Variants in P2RY12 observed in about 807,000 individuals in gnomAD.
P2RY12 encodes the protein purinergic receptor P2Y12.
Under a neutral mutation model 4.5 loss-of-function variants are expected in P2RY12, and 3 were observed. The ratio of observed to expected loss-of-function variants is 0.67; its 90% confidence interval spans 0.31 to 1.74. The LOEUF is 1.74. P2RY12 is among the 40% of genes most tolerant of loss of function. P2RY12 has a pLI of 0.09. For missense variants in P2RY12, 356 were observed against 407.8 expected (o/e 0.87, Z 1.09); for synonymous variants, 148 against 154.1 (o/e 0.96, Z 0.29).
intron 1 of P2RY12, among the ~76,000 whole-genome samples, chr3:151,351,333 A>G (rs1753211029): frequency 6.6e-6 from 1 of 152,216 alleles, no homozygotes; most frequent in Non-Finnish European, 1.5e-5. Context: ...ATCTGATGTC[A>G]GAGGTGATAG....
intron 1 of P2RY12, chr3:151,376,073 A>T (rs1307007549): frequency 6.2e-7 from 1 of 1,607,118 alleles, no homozygotes; most frequent in African/African-American, 1.3e-5. Context: ...GATTATGTAC[A>T]GACAAAGAAC....
Position 151,380,127 on chromosome 3 carries a change from G to A in P2RY12, c.-180+4565C>T. 3 of 1,597,818 alleles carry A rather than the reference G, an allele frequency of 1.9e-6. No individual in the cohort carries two copies. The highest frequency in any genetic ancestry group is 1.4e-5 in the African/African-American group (1 of 73,790). ...TTCCTTTGTAGTATGTCTCTTTTGAGTCAACAACCCTTCCTCTCACTGGTA... is the reference window on the plus strand; with the variant it reads ...TTCCTTTGTAGTATGTCTCTTTTGAATCAACAACCCTTCCTCTCACTGGTA... On this transcript the variant is annotated intron_variant, in intron 1 of 2. Transcript: ENST00000302632.
At chr3:151,372,951 A>G (rs1046355607) in intron 1 of P2RY12, among the ~76,000 whole-genome samples, 3 of 152,186 alleles carry the variant, frequency 2.0e-5, no homozygotes, top group African/African-American at 4.8e-5. Flanking sequence ...TCCATCCTTT[A>G]CACGGATTTA....
intron 1 of P2RY12, among the ~76,000 whole-genome samples, chr3:151,373,530 A>T (rs779365571): frequency 6.7e-6 from 1 of 150,242 alleles, no homozygotes; most frequent in Non-Finnish European, 1.5e-5. Flanking sequence ...TGCCCAGTCT[A>T]GTCTTTACTA....
intron 1 of P2RY12, among the ~76,000 whole-genome samples, chr3:151,359,454 T>G (rs1302893963): frequency 2.0e-5 from 3 of 152,144 alleles, no homozygotes; most frequent in Non-Finnish European, 4.4e-5. Context: ...AGAAGTCTCC[T>G]TGGTTCCACC....
chr3:151,376,475 G>A (rs765899646), intron 1 of P2RY12, among the ~76,000 whole-genome samples: 20 of 152,152 alleles, frequency 1.3e-4, no homozygotes, highest in Non-Finnish European at 2.5e-4. Context: ...GAGGGGCTAT[G>A]TTAAATATAT....
intron 1 of P2RY12, among the ~76,000 whole-genome samples, chr3:151,350,699 G>A (rs770934370): frequency 2.0e-5 from 3 of 152,150 alleles, no homozygotes; most frequent in Non-Finnish European, 4.4e-5. Flanking sequence ...TGAGAAAAAT[G>A]ATTGCAGTAG....
In P2RY12 at chr3:151,337,785, A is replaced by C. The variant is rs556365877; in HGVS notation, c.*32T>G. 4 of 1,605,718 alleles carry C rather than the reference A, an allele frequency of 2.5e-6. No homozygotes were observed. In the South Asian group the frequency reaches 4.4e-5, roughly 18 times the overall value. On this transcript the variant is annotated 3_prime_UTR_variant, in exon 3 of 3. Transcript: ENST00000302632. ...TTTGCTTTAACGAGTTCTGAACACA[A>C]AGAGATTGAAATATTTCCTTAGTTA...
chr3:151,372,788 T>C lies in P2RY12; in HGVS notation c.-180+11904A>G, dbSNP rs758832838. On this transcript the variant is annotated intron_variant, in intron 1 of 2. Transcript: ENST00000302632. ...ACAGGTATTCTAATTTAATTTGCCTTTTACTTTGAGTACGTAACTCTTCTT... is the reference window on the plus strand; with the variant it reads ...ACAGGTATTCTAATTTAATTTGCCTCTTACTTTGAGTACGTAACTCTTCTT... The C allele has an allele frequency of 5.6e-6, 9 of 1,597,656 alleles. No homozygotes were observed. In the South Asian group the frequency reaches 9.9e-5, roughly 18 times the overall value.
At chr3:151,351,041 T>C (rs976729033) in intron 1 of P2RY12, among the ~76,000 whole-genome samples, 1 of 152,242 alleles carries the variant, frequency 6.6e-6, no homozygotes, top group Non-Finnish European at 1.5e-5. Context: ...TTGTGTTTAC[T>C]CTATGTAAAC....
chr3:151,357,250 T>C (rs1475695770), intron 1 of P2RY12: 1 of 1,613,444 alleles, frequency 6.2e-7, no homozygotes, highest in Non-Finnish European at 8.5e-7. Flanking sequence ...GCTGAACTGC[T>C]CCTAAAATCC....
rs1560087681 is a variant in P2RY12, at chr3:151,368,696, TTTCATTTCATTTC to T, written c.-180+15983_-180+15995del. ...TTTCATGTCATTTCATTTTATTTCATTTCATTTCATTTCATTTCATTTCATTTCATTTCATTTC... is the reference window on the plus strand; with the variant it reads ...TTTCATGTCATTTCATTTTATTTCATATTTCATTTCATTTCATTTCATTTC... On this transcript the variant is annotated intron_variant, in intron 1 of 2. Coordinates refer to ENST00000302632, the MANE Select transcript of P2RY12 (RefSeq NM_022788.5). Among the ~76,000 whole-genome samples, 88 of 54,832 alleles carry T rather than the reference TTTCATTTCATTTC, an allele frequency of 1.6e-3. 1 individual carries two copies. The highest frequency in any genetic ancestry group is 4.5e-3 in the African/African-American group (49 of 10,816). 36.0% of individuals were successfully genotyped at this position (54,832 alleles called of 152,430 possible).
Position 151,369,582 on chromosome 3 carries a change from A to C in P2RY12, c.-180+15110T>G, listed in dbSNP as rs1363562311. ...TATTCTGACCCTAAGCTTCTTGGTT[A>C]ATCACCAGAAATGAAGGCAAAATAA... is the stretch of plus-strand genomic sequence containing the variant. On this transcript the variant is annotated intron_variant, in intron 1 of 2. Coordinates refer to ENST00000302632, the MANE Select transcript of P2RY12 (RefSeq NM_022788.5). 5 of 1,370,688 alleles carry C rather than the reference A, an allele frequency of 3.6e-6. No homozygotes were observed. The African/African-American group carries it at 4.4e-5, about 12-fold the overall frequency. 84.9% of individuals were successfully genotyped at this position (1,370,688 alleles called of 1,614,324 possible).
chr3:151,364,523 C>T (rs377314828), intron 1 of P2RY12, among the ~76,000 whole-genome samples: 8 of 152,116 alleles, frequency 5.3e-5, no homozygotes, highest in Admixed American at 1.3e-4. Flanking sequence ...TCTTGGCACA[C>T]GAACTTCTAC....
At chr3:151,375,767 A>G (rs1266160916) in intron 1 of P2RY12, among the ~76,000 whole-genome samples, 1 of 152,154 alleles carries the variant, frequency 6.6e-6, no homozygotes, top group Non-Finnish European at 1.5e-5. Flanking sequence ...TTAAAAACAT[A>G]CTAATATTCT....
At chr3:151,350,665 T>A (rs1753113920) in intron 1 of P2RY12, among the ~76,000 whole-genome samples, 1 of 152,160 alleles carries the variant, frequency 6.6e-6, no homozygotes, top group Non-Finnish European at 1.5e-5. Context: ...TGACAGCATA[T>A]TTGCTCACCT....
rs371795997 is a variant in P2RY12, at chr3:151,363,999, G to A, written c.-180+20693C>T. Among the ~76,000 whole-genome samples the A allele has an allele frequency of 5.3e-5, 8 of 152,036 alleles. No homozygotes were observed. In the East Asian group the frequency reaches 1.3e-3, roughly 26 times the overall value. On this transcript the variant is annotated intron_variant, in intron 1 of 2. Transcript: ENST00000302632. ...CATTGATGCAAGTATATAACAATAT[G>A]GGGTTTAAAAAAAAAGCCATAGGTC...
rs574275092 is a variant in P2RY12, at chr3:151,347,692, G to A, written c.-179-6932C>T. On this transcript the variant is annotated intron_variant, in intron 1 of 2. Coordinates refer to ENST00000302632, the MANE Select transcript of P2RY12 (RefSeq NM_022788.5). ...GCAGTTCGGTGTGGGTGTGGGGGAT[G>A]TGCAGAGGAGGAGGGGAAGTCTAGC... 9.2e-5 allele frequency among the ~76,000 whole-genome samples: 14 copies of A among 152,294 alleles called. No individual in the cohort carries two copies. In the South Asian group the frequency reaches 2.9e-3, roughly 32 times the overall value.
At chr3:151,376,749 T>C (rs1192606717) in intron 1 of P2RY12, 12 of 1,441,408 alleles carry the variant, frequency 8.3e-6, no homozygotes, top group Admixed American at 6.8e-5. Flanking sequence ...AATTACTGTA[T>C]TTTAACACAT....
Sources: allele counts gnomAD v4.1 joint callset (sites outside exome capture counted in the v4.1 genomes callset), GRCh38; gene constraint gnomAD v4.1.1; transcripts MANE v1.5; gene names NCBI Gene and HGNC (gene_info 2026-07-23, HGNC 2026-07-21).